Variants in EIF4ENIF1 observed in about 807,000 individuals in gnomAD.
The protein encoded by EIF4ENIF1 is eukaryotic translation initiation factor 4E nuclear import factor 1.
A neutral mutation model predicts 110.5 loss-of-function variants in EIF4ENIF1; 23 were observed. That is an observed-to-expected ratio of 0.21 (90% CI 0.15 to 0.29). EIF4ENIF1 has a LOEUF of 0.29. Ranked by LOEUF, EIF4ENIF1 falls within the 10% of genes least tolerant of loss-of-function variation. The probability of loss-of-function intolerance (pLI) is 1.00; values close to 1 mark genes in which losing one functional copy is unlikely to be tolerated. For missense variants in EIF4ENIF1, 1,031 were observed against 1,221.1 expected (o/e 0.84, Z 2.32); for synonymous variants, 440 against 437.0 (o/e 1.01, Z -0.09).
chr22:31,453,342 G>T, intron 10 of EIF4ENIF1: 1 of 375,912 alleles, frequency 2.7e-6, no homozygotes, highest in Non-Finnish European at 5.2e-6. Flanking sequence ...TTAGTAAATT[G>T]ACAGAATGTA....
chr22:31,444,695 G>T lies in EIF4ENIF1; in HGVS notation c.1989-5C>A. Reference sequence around the variant, plus strand: ...GACTTGGTCACTCGCTGTTGCCTGTGAACAAACCAATTATCAGCATGAACC... The same window carrying T: ...GACTTGGTCACTCGCTGTTGCCTGTTAACAAACCAATTATCAGCATGAACC... On this transcript the variant is annotated splice_region_variant and splice_polypyrimidine_tract_variant and intron_variant, in intron 14 of 18. Coordinates refer to ENST00000330125, the MANE Select transcript of EIF4ENIF1 (RefSeq NM_019843.4). The T allele has an allele frequency of 6.2e-7, 1 of 1,613,880 alleles. No individual in the cohort carries two copies. Among genetic ancestry groups the T allele is most frequent in the Non-Finnish European group, 8.5e-7 (1 of 1,179,892 alleles).
At chr22:31,458,815 G>A (rs963636956) in intron 6 of EIF4ENIF1, among the ~76,000 whole-genome samples, 165 bp from the exon 7 acceptor site, 3 of 152,138 alleles carry the variant, frequency 2.0e-5, no homozygotes, top group Non-Finnish European at 2.9e-5. Context: ...CCCCTTCTAC[G>A]GGAGGCAGAA....
rs935867012 is a variant in EIF4ENIF1, at chr22:31,449,453, T to A, written c.1663A>T (p.Thr555Ser). 4 of 1,613,894 alleles carry A rather than the reference T, an allele frequency of 2.5e-6. No individual in the cohort carries two copies. Among genetic ancestry groups the A allele is most frequent in the Non-Finnish European group, 2.5e-6 (3 of 1,179,792 alleles). The change falls in exon 12 of 19, where the codon ACA becomes TCA. Residue 555 changes from threonine to serine, a missense_variant. Physicochemically the swap from Thr to Ser is moderately conservative, Grantham distance 58. Transcript: ENST00000330125. ...SGLMGSLEPT[T>S]SLLGQRAPSP... ...GGTGCTCTTTGGCCCAGTAAAGATG[T>A]TGTAGGCTCCAAGCTCCCCATAAGG...
intron 2 of EIF4ENIF1, among the ~76,000 whole-genome samples, chr22:31,478,515 CAAAAAAAA>C (rs35883412): frequency 1.1e-5 from 1 of 87,730 alleles, no homozygotes; most frequent in Non-Finnish European, 2.1e-5. Flanking sequence ...GACTCTGTCT[CAAAAAAAA>C]AAAAAAAAAA....
intron 3 of EIF4ENIF1, among the ~76,000 whole-genome samples, chr22:31,469,326 T>C (rs1195173081): frequency 1.3e-5 from 2 of 152,226 alleles, no homozygotes; most frequent in East Asian, 3.8e-4. Context: ...CACTTGTCCT[T>C]TGCAGCCTGT....
chr22:31,488,985 A>T (rs1218016001), intron 1 of EIF4ENIF1, among the ~76,000 whole-genome samples: 1 of 152,256 alleles, frequency 6.6e-6, no homozygotes, highest in Non-Finnish European at 1.5e-5. Context: ...AATTCAAGGT[A>T]TATAACCTTT....
chr22:31,441,410 T>G (rs1490803083), intron 17 of EIF4ENIF1, among the ~76,000 whole-genome samples: 2 of 149,782 alleles, frequency 1.3e-5, no homozygotes, highest in African/African-American at 2.5e-5. Context: ...TGTGGCGGCG[T>G]GCACCTGTAG....
intron 2 of EIF4ENIF1, among the ~76,000 whole-genome samples, chr22:31,478,495 GAC>G (rs2051675653): frequency 7.9e-6 from 1 of 127,236 alleles, no homozygotes; most frequent in Non-Finnish European, 1.6e-5. Flanking sequence ...CAGCATGGGT[GAC>G]AGAGCAAGAC....
At chr22:31,490,183 T>C (rs2052219171), upstream of EIF4ENIF1, among the ~76,000 whole-genome samples, 1 of 152,228 alleles carries the variant, frequency 6.6e-6, no homozygotes, top group African/African-American at 2.4e-5. Flanking sequence ...GACCCGCGAC[T>C]CGCGGCACGC....
intron 10 of EIF4ENIF1, 98 bp from the exon 11 acceptor site, chr22:31,450,458 G>GTATT: frequency 1.1e-6 from 1 of 891,334 alleles, no homozygotes; most frequent in Non-Finnish European, 1.8e-6. Flanking sequence ...CTCCTAGGGA[G>GTATT]TTAATAGCAG....
In EIF4ENIF1 at chr22:31,488,516, T is replaced by C. The variant is rs79026257; in HGVS notation, c.96+107A>G. On this transcript the variant is annotated intron_variant, in intron 2 of 18. Transcript: ENST00000330125. The stretch of plus-strand genomic sequence containing the variant: ...AAATTTAGTTAATATTTAGTCCATG[T>C]AGTGAGTCAGAATGAGATTACCACT... The C allele has an allele frequency of 4.0e-3, 5,915 of 1,478,404 alleles. 21 individuals carry two copies. The highest frequency in any genetic ancestry group is 4.6e-3 in the Non-Finnish European group (4,922 of 1,076,322). 91.6% of individuals were successfully genotyped at this position (1,478,404 alleles called of 1,614,324 possible).
chr22:31,441,396 C>T (rs181972937), intron 17 of EIF4ENIF1, among the ~76,000 whole-genome samples: 52 of 151,374 alleles, frequency 3.4e-4, no homozygotes, highest in Non-Finnish European at 5.3e-4. Context: ...ATAAATTATC[C>T]GGGTGTGGCG....
intron 4 of EIF4ENIF1, 105 bp from the exon 5 acceptor site, chr22:31,464,072 G>A (rs2145991478): frequency 1.8e-5 from 26 of 1,425,472 alleles, no homozygotes; most frequent in Non-Finnish European, 2.4e-5. Context: ...ATGGTTGGAA[G>A]AGAGTCACCA....
chr22:31,438,098 A>C (rs2050199863), downstream of EIF4ENIF1, among the ~76,000 whole-genome samples: 1 of 152,112 alleles, frequency 6.6e-6, no homozygotes, highest in African/African-American at 2.4e-5. Flanking sequence ...GCTGCCCAAG[A>C]CTCTACTACC....
At chr22:31,456,439 G>A (rs4297979) in intron 7 of EIF4ENIF1, among the ~76,000 whole-genome samples, 5 of 151,572 alleles carry the variant, frequency 3.3e-5, no homozygotes, top group East Asian at 3.9e-4. Context: ...TAGCCAGGAT[G>A]GTCTCGATCT....
Position 31,471,904 on chromosome 22 carries a change from T to C in EIF4ENIF1, c.110A>G (p.Asp37Gly). 6.3e-7 allele frequency: 1 copy of C among 1,598,830 alleles called. No individual in the cohort carries two copies. Among genetic ancestry groups the C allele is most frequent in the Non-Finnish European group, 8.5e-7 (1 of 1,176,330 alleles). ...PHRYTKEELL[D>G]IKELPHSKQR... is the part of the protein sequence containing the mutation. ...TTTGGAATGGGGGAGTTCTTTTATA[T>C]CCAAGAGTTCTTCCTAAAAAGAGAA... Residue 37 changes from aspartate to glycine, a missense_variant, in exon 3 of 19, where the codon GAT becomes GGT. Asp to Gly is a moderately conservative substitution (Grantham distance 94). Coordinates refer to ENST00000330125, the MANE Select transcript of EIF4ENIF1 (RefSeq NM_019843.4).
Position 31,441,013 on chromosome 22 carries a change from T to C in EIF4ENIF1, c.2552-145A>G, listed in dbSNP as rs1017573531. ...GCTCACGCCTGTAATCCCCAGCACT[T>C]TGGGAGGCCAAAGCAGGCGGACCAC... On this transcript the variant is annotated intron_variant, in intron 17 of 18. Coordinates refer to ENST00000330125, the MANE Select transcript of EIF4ENIF1 (RefSeq NM_019843.4). 8.0e-6 allele frequency: 9 copies of C among 1,131,062 alleles called. No homozygotes were observed. In the African/African-American group the frequency reaches 1.1e-4, roughly 14 times the overall value. The allele number at this position is 1,131,062 out of a possible 1,614,324, so 70.1% of individuals were successfully genotyped here.
chr22:31,444,050 G>A (rs1191518852), intron 15 of EIF4ENIF1, among the ~76,000 whole-genome samples: 5 of 152,046 alleles, frequency 3.3e-5, no homozygotes, highest in East Asian at 1.9e-4. Flanking sequence ...TACCTACCTC[G>A]GCCTCTGAAA....
intron 17 of EIF4ENIF1, 71 bp from the exon 18 acceptor site, chr22:31,440,939 A>G: frequency 5.1e-6 from 8 of 1,572,722 alleles, no homozygotes; most frequent in Non-Finnish European, 6.9e-6. Flanking sequence ...TTCACTGTAC[A>G]GTTTTGCTGA....
Sources: gnomAD v4.1 joint callset for allele counts (sites outside exome capture counted in the v4.1 genomes callset) on GRCh38, gnomAD v4.1.1 for gene constraint, MANE v1.5 for transcripts, NCBI Gene and HGNC (gene_info 2026-07-23, HGNC 2026-07-21) for gene names.